ENOX1: variants seen among roughly 807,000 people sequenced by gnomAD.
ENOX1 encodes candidate growth-related and time keeping constitutive hydroquinone (NADH) oxidase.
In ENOX1, 42 loss-of-function variants were observed where a neutral mutation model predicts 82.5. The ratio of observed to expected loss-of-function variants is 0.51; its 90% CI spans 0.40 to 0.66. The LOEUF (loss-of-function observed/expected upper bound fraction) is 0.66, where lower values mean the gene tolerates loss of function less well. ENOX1 is among the 30% of genes least tolerant of loss of function. The pLI is 0.00. For missense variants in ENOX1, 608 were observed against 811.6 expected, an observed-to-expected ratio of 0.75 and a Z score of 3.05; for synonymous variants, 271 against 282.2, an observed-to-expected ratio of 0.96 and a Z score of 0.40.
chr13:43,464,386 A>G (rs1019348433), intron 3 of ENOX1, among the ~76,000 whole-genome samples: 1 of 152,128 alleles, frequency 6.6e-6, no homozygotes, highest in Non-Finnish European at 1.5e-5. Context: ...TTAGTTCTGC[A>G]GGGCAGTACT....
chr13:43,782,185 A>G (rs947403532), intron 1 of ENOX1, among the ~76,000 whole-genome samples: 3 of 152,248 alleles, frequency 2.0e-5, no homozygotes, highest in Admixed American at 2.0e-4. Context: ...ATTATCTTGC[A>G]CATGAAAATA....
chr13:43,628,224 G>A (rs893866835), intron 2 of ENOX1, among the ~76,000 whole-genome samples: 3 of 152,028 alleles, frequency 2.0e-5, no homozygotes, highest in East Asian at 1.9e-4. Context: ...CTGGGACTTC[G>A]ATGCCGTGAA....
In ENOX1 at chr13:43,631,704, A is replaced by T. The variant is rs546931193; in HGVS notation, c.-219+35775T>A. ...ATCTACACGCAAGTAGGCTTTTATT[A>T]TTTTTTCTTTTATTCTTTTTTCTTT... On this transcript the variant is annotated intron_variant, in intron 2 of 16. Coordinates refer to ENST00000690772, the MANE Select transcript of ENOX1 (RefSeq NM_001347969.2). Among the ~76,000 whole-genome samples, 244 of 152,142 alleles carry T rather than the reference A, an allele frequency of 1.6e-3. 1 individual carries two copies. Among genetic ancestry groups the T allele is most frequent in the African/African-American group, 5.8e-3 (241 of 41,508 alleles).
chr13:43,501,270 C>A (rs935922173), intron 2 of ENOX1, among the ~76,000 whole-genome samples: 7 of 151,600 alleles, frequency 4.6e-5, no homozygotes, highest in African/African-American at 1.7e-4. Flanking sequence ...AGACAAAGAT[C>A]ATTATATAGG....
At chr13:43,756,977 A>C (rs1324239889) in intron 1 of ENOX1, among the ~76,000 whole-genome samples, 4 of 146,420 alleles carry the variant, frequency 2.7e-5, no homozygotes, top group East Asian at 1.9e-4. Flanking sequence ...AACAACAAAA[A>C]AAAAAAAAAA....
At chr13:43,586,214 G>A (rs1478270868) in intron 2 of ENOX1, among the ~76,000 whole-genome samples, 1 of 152,140 alleles carries the variant, frequency 6.6e-6, no homozygotes, top group South Asian at 2.1e-4. Context: ...CTGCCCCAGA[G>A]GGTCTTTCTA....
intron 2 of ENOX1, among the ~76,000 whole-genome samples, chr13:43,625,593 G>A: frequency 6.6e-6 from 1 of 151,852 alleles, no homozygotes; most frequent in East Asian, 1.9e-4. Flanking sequence ...TGCATCAATC[G>A]ATATGATCAC....
At chr13:43,331,903 GCAGT>G (rs1265636386) in intron 9 of ENOX1, among the ~76,000 whole-genome samples, 1 of 152,162 alleles carries the variant, frequency 6.6e-6, no homozygotes, top group East Asian at 1.9e-4. Flanking sequence ...GAAGGAGCTG[GCAGT>G]CAGCCTGGCA....
rs180989041 is a variant in ENOX1, at chr13:43,423,104, T to C, written c.-74-10116A>G. Reference sequence around the variant, plus strand: ...GTCTTTGTATAGGCAGGTTTTAAAGTGTAGGACCTTTCACATTTAGACTTC... The same window carrying C: ...GTCTTTGTATAGGCAGGTTTTAAAGCGTAGGACCTTTCACATTTAGACTTC... On this transcript the variant is annotated intron_variant, in intron 3 of 16. Transcript: ENST00000690772. Among the ~76,000 whole-genome samples, 6 of 152,272 alleles carry C rather than the reference T, an allele frequency of 3.9e-5. No homozygotes were observed. In the East Asian group the frequency reaches 9.7e-4, roughly 25 times the overall value.
chr13:43,415,166 A>G (rs2054368264), intron 3 of ENOX1, among the ~76,000 whole-genome samples: 1 of 143,742 alleles, frequency 7.0e-6, no homozygotes, highest in Admixed American at 7.1e-5. Flanking sequence ...ATAAACCTAG[A>G]TTTATCCCCC....
chr13:43,390,595 GT>G (rs1236591048), intron 5 of ENOX1, among the ~76,000 whole-genome samples: 2 of 152,124 alleles, frequency 1.3e-5, no homozygotes, highest in Non-Finnish European at 2.9e-5. Flanking sequence ...AAATCAGGGA[GT>G]TTGGGACTCT....
intron 2 of ENOX1, among the ~76,000 whole-genome samples, chr13:43,589,367 G>A (rs967389100): frequency 6.6e-6 from 1 of 151,934 alleles, no homozygotes; most frequent in African/African-American, 2.4e-5. Context: ...GAAACAGATA[G>A]GAAGCCTACC....
At chr13:43,308,865 A>AT (rs1437069787) in intron 11 of ENOX1, among the ~76,000 whole-genome samples, 4 of 152,082 alleles carry the variant, frequency 2.6e-5, no homozygotes, top group Admixed American at 2.6e-4. Context: ...GAATCCCTTA[A>AT]TTGTTTATTT....
intron 2 of ENOX1, chr13:43,543,910 T>C (rs1045049067): frequency 1.4e-5 from 2 of 140,962 alleles, no homozygotes; most frequent in African/African-American, 5.4e-5. Flanking sequence ...CTTTTTTCTT[T>C]TTCTTTTTTT....
chr13:43,686,925 T>C (rs2086107199), intron 1 of ENOX1, among the ~76,000 whole-genome samples: 1 of 152,126 alleles, frequency 6.6e-6, no homozygotes, highest in South Asian at 2.1e-4. Context: ...AAGGCAGCAA[T>C]GAAAAACTAC....
chr13:43,614,238 G>A (rs187191886), intron 2 of ENOX1, among the ~76,000 whole-genome samples: 45 of 152,262 alleles, frequency 3.0e-4, no homozygotes, highest in African/African-American at 1.0e-3. Flanking sequence ...CTCTATTGTG[G>A]CATCAGAAAC....
intron 2 of ENOX1, among the ~76,000 whole-genome samples, chr13:43,599,548 G>A (rs1250003992): frequency 6.6e-6 from 1 of 152,016 alleles, no homozygotes; most frequent in Non-Finnish European, 1.5e-5. Flanking sequence ...CCTCATCACT[G>A]CAGACTAAAG....
intron 5 of ENOX1, among the ~76,000 whole-genome samples, chr13:43,397,452 C>T (rs895428498): frequency 1.3e-5 from 2 of 152,202 alleles, no homozygotes; most frequent in East Asian, 3.9e-4. Flanking sequence ...GGTATTGAGG[C>T]TCATTTTTCC....
At chr13:43,515,598 C>T (rs1054739738) in intron 2 of ENOX1, among the ~76,000 whole-genome samples, 3 of 152,138 alleles carry the variant, frequency 2.0e-5, no homozygotes, top group African/African-American at 7.2e-5. Context: ...GATAAGGAGA[C>T]TTAGGCACAG....
Sources: allele counts gnomAD v4.1 joint callset (sites outside exome capture counted in the v4.1 genomes callset), GRCh38; gene constraint gnomAD v4.1.1; transcripts MANE v1.5; gene names NCBI Gene and HGNC (gene_info 2026-07-23, HGNC 2026-07-21).